SPATA17: variants seen among roughly 807,000 people sequenced by gnomAD.
SPATA17 encodes the protein spermatogenesis-associated protein 17.
Under a neutral mutation model 62.2 loss-of-function variants are expected in SPATA17, and 53 were observed. The ratio of observed to expected loss-of-function variants is 0.85; its 90% CI spans 0.68 to 1.07. SPATA17 has a LOEUF of 1.07. Ranked by LOEUF, SPATA17 falls within the 50% of genes least tolerant of loss-of-function variation. SPATA17 has a pLI of 0.00. For synonymous variants in SPATA17, 146 were observed against 146.8 expected (o/e 0.99, Z 0.04); for missense variants, 466 against 425.5 (o/e 1.10, Z -0.84).
chr1:217,852,036 C>A (rs1199123226), intron 9 of SPATA17, among the ~76,000 whole-genome samples: 3 of 152,132 alleles, frequency 2.0e-5, no homozygotes, highest in Middle Eastern at 3.4e-3. Context: ...TAAATCCCAT[C>A]AAAAAACTGA....
chr1:217,652,309 G>C (rs1259535285), intron 3 of SPATA17, among the ~76,000 whole-genome samples: 2 of 152,082 alleles, frequency 1.3e-5, no homozygotes, highest in African/African-American at 4.8e-5. Flanking sequence ...TCGTCTCACC[G>C]CAACCTCTGC....
intron 8 of SPATA17, among the ~76,000 whole-genome samples, chr1:217,786,750 T>TTTCTTCTTCTTCCTCTTCTTCTTCTTC (rs1446756516): frequency 9.3e-6 from 1 of 107,436 alleles, no homozygotes; most frequent in African/African-American, 3.6e-5. Flanking sequence ...TGATATTCTC[T>TTTCTTCTTCTTCCTCTTCTTCTTCTTC]TTCTTCTTCT....
intron 9 of SPATA17, among the ~76,000 whole-genome samples, chr1:217,856,670 T>G (rs942175975): frequency 4.6e-5 from 7 of 152,184 alleles, no homozygotes; most frequent in African/African-American, 1.7e-4. Flanking sequence ...TCTCTGAGCT[T>G]TAGAACAACA....
At chr1:217,733,832 A>G (rs1451932696) in intron 5 of SPATA17, among the ~76,000 whole-genome samples, 3 of 152,190 alleles carry the variant, frequency 2.0e-5, no homozygotes, top group African/African-American at 7.2e-5. Flanking sequence ...TCAACTCTAT[A>G]TTTCAGAATA....
intron 9 of SPATA17, among the ~76,000 whole-genome samples, chr1:217,818,614 ACAT>A (rs913307148): frequency 7.9e-5 from 12 of 152,030 alleles, no homozygotes; most frequent in African/African-American, 2.9e-4. Context: ...TCTTATGGGA[ACAT>A]CATCATATAT....
intron 4 of SPATA17, among the ~76,000 whole-genome samples, chr1:217,681,618 C>T (rs185501991): frequency 1.5e-3 from 223 of 152,132 alleles, no homozygotes; most frequent in Non-Finnish European, 2.7e-3. Context: ...AGGCTGGTCT[C>T]GAACTCCAGA....
intron 9 of SPATA17, among the ~76,000 whole-genome samples, chr1:217,804,879 CA>C (rs1674396831): frequency 6.6e-6 from 1 of 152,054 alleles, no homozygotes; most frequent in Non-Finnish European, 1.5e-5. Flanking sequence ...ACCAAAAAGA[CA>C]AAAGATAATG....
At chr1:217,651,970 C>G (rs934311390) in intron 3 of SPATA17, among the ~76,000 whole-genome samples, 1 of 152,132 alleles carries the variant, frequency 6.6e-6, no homozygotes, top group African/African-American at 2.4e-5. Context: ...TACAAAGCAA[C>G]CTTACAGTTG....
At chr1:217,646,854 A>C (rs1393815682) in intron 1 of SPATA17, among the ~76,000 whole-genome samples, 1 of 152,168 alleles carries the variant, frequency 6.6e-6, no homozygotes, top group Non-Finnish European at 1.5e-5. Context: ...AGATCACACC[A>C]CTGCACTCCA....
intron 1 of SPATA17, among the ~76,000 whole-genome samples, chr1:217,640,731 G>C (rs1017138907): frequency 6.6e-6 from 1 of 152,036 alleles, no homozygotes; most frequent in Non-Finnish European, 1.5e-5. Flanking sequence ...CAGTTTAAAA[G>C]AGTGAAACAT....
In SPATA17 at chr1:217,768,106, A is replaced by G. The variant is rs185468875; in HGVS notation, c.520-6228A>G. ...CTAAAATACAAAAAATTAGCCAGGC[A>G]TGGTGGCACACACCTGTAAACCCAG... On this transcript the variant is annotated intron_variant, in intron 6 of 10. Coordinates refer to ENST00000366933, the MANE Select transcript of SPATA17 (RefSeq NM_138796.4). Among the ~76,000 whole-genome samples, 18 of 152,194 alleles carry G rather than the reference A, an allele frequency of 1.2e-4. 1 individual carries two copies. The East Asian group carries it at 2.7e-3, about 23-fold the overall frequency.
At chr1:217,641,363 G>T (rs1321803309) in intron 1 of SPATA17, among the ~76,000 whole-genome samples, 5 of 151,836 alleles carry the variant, frequency 3.3e-5, no homozygotes, top group African/African-American at 1.2e-4. Context: ...TTCATAAATT[G>T]GTAGTATTAT....
intron 5 of SPATA17, among the ~76,000 whole-genome samples, chr1:217,715,058 A>G (rs907178509): frequency 4.6e-5 from 7 of 152,188 alleles, no homozygotes; most frequent in Non-Finnish European, 8.8e-5. Context: ...AATGAGATTA[A>G]TATATGGCAT....
intron 9 of SPATA17, among the ~76,000 whole-genome samples, chr1:217,816,410 A>T (rs1674717974): frequency 6.6e-6 from 1 of 151,676 alleles, no homozygotes; most frequent in South Asian, 2.1e-4. Context: ...TTTTTCTACT[A>T]ATTCTAGCAC....
intron 5 of SPATA17, among the ~76,000 whole-genome samples, chr1:217,707,865 A>G (rs1002056418): frequency 6.6e-5 from 10 of 152,214 alleles, no homozygotes; most frequent in Admixed American, 2.6e-4. Context: ...CTTTCAGACT[A>G]CAGGACCATA....
intron 1 of SPATA17, among the ~76,000 whole-genome samples, chr1:217,642,306 A>C (rs1028459913): frequency 2.0e-5 from 3 of 152,110 alleles, no homozygotes; most frequent in Non-Finnish European, 4.4e-5. Context: ...TCAAACTTAA[A>C]ATTTATTTAT....
intron 9 of SPATA17, among the ~76,000 whole-genome samples, chr1:217,821,178 GGATCAAATTTCAACAT>G (rs1674852020): frequency 6.6e-6 from 1 of 151,922 alleles, no homozygotes; most frequent in Non-Finnish European, 1.5e-5. Context: ...CGCCACACTG[GGATCAAATTTCAACAT>G]GAAATTTTGT....
rs544202719 is a variant in SPATA17, at chr1:217,793,227, T to G, written c.873-8491T>G. 9.6e-5 allele frequency among the ~76,000 whole-genome samples: 14 copies of G among 145,792 alleles called. No individual in the cohort carries two copies. The East Asian group carries it at 1.8e-3, about 19-fold the overall frequency. On this transcript the variant is annotated intron_variant, in intron 8 of 10. Coordinates refer to ENST00000366933, the MANE Select transcript of SPATA17 (RefSeq NM_138796.4). ...TGTTAGGGCAGTGGTTTTTGTTTTT[T>G]TTTTTTTTTTTGAGACGGAGTCTTG...
chr1:217,737,360 T>C (rs1672532584), intron 5 of SPATA17, among the ~76,000 whole-genome samples: 2 of 152,088 alleles, frequency 1.3e-5, no homozygotes, highest in South Asian at 4.1e-4. Context: ...AGCTCAATGA[T>C]GGTTAGAAAA....
Sources: allele counts gnomAD v4.1 joint callset (sites outside exome capture counted in the v4.1 genomes callset), GRCh38; gene constraint gnomAD v4.1.1; transcripts MANE v1.5; gene names NCBI Gene and HGNC (gene_info 2026-07-23, HGNC 2026-07-21).